Variants in MSR1 observed in about 807,000 individuals in gnomAD.
MSR1 encodes macrophage scavenger receptor 1.
A neutral mutation model predicts 47.2 loss-of-function variants in MSR1; 53 were observed. The observed-to-expected ratio is 1.12, with a 90% CI of 0.90 to 1.41. The LOEUF is 1.41. Among genes scored for constraint, MSR1 ranks in the 40% most tolerant of loss-of-function variants. The probability of loss-of-function intolerance (pLI) is 0.00; values close to 1 mark genes in which losing one functional copy is unlikely to be tolerated. For missense variants in MSR1, 786 were observed against 546.9 expected (o/e 1.44, Z -4.36); for synonymous variants, 239 against 185.6 (o/e 1.29, Z -2.34).
At chr8:16,185,491 T>G (rs1225202116) in intron 1 of MSR1, among the ~76,000 whole-genome samples, 1 of 152,164 alleles carries the variant, frequency 6.6e-6, no homozygotes, top group African/African-American at 2.4e-5. Flanking sequence ...ATCATCTACT[T>G]ACTGTATAGT....
At chr8:16,149,102 T>G (rs1294389849) in intron 7 of MSR1, among the ~76,000 whole-genome samples, 3 of 152,114 alleles carry the variant, frequency 2.0e-5, no homozygotes, top group African/African-American at 7.2e-5. Flanking sequence ...ACTGTAATGA[T>G]GGATACATGA....
intron 3 of MSR1, among the ~76,000 whole-genome samples, chr8:16,169,551 T>C (rs1801421861): frequency 6.6e-6 from 1 of 152,044 alleles, no homozygotes; most frequent in South Asian, 2.1e-4. Flanking sequence ...ATTTAGAAAA[T>C]ATACATAATA....
chr8:16,113,148 C>A (rs1799801061), intron 9 of MSR1, among the ~76,000 whole-genome samples: 1 of 151,676 alleles, frequency 6.6e-6, no homozygotes, highest in Admixed American at 6.6e-5. Flanking sequence ...CGGGGTTTCA[C>A]CATGTTGGCC....
chr8:16,185,512 TGATATAGTTAG>T (rs1446023904), intron 1 of MSR1, among the ~76,000 whole-genome samples: 2 of 152,144 alleles, frequency 1.3e-5, no homozygotes, highest in Non-Finnish European at 2.9e-5. Context: ...GGAGAATATG[TGATATAGTTAG>T]GAATATGCCG....
intron 9 of MSR1, among the ~76,000 whole-genome samples, chr8:16,114,211 T>C (rs1799825599): frequency 7.1e-6 from 1 of 141,356 alleles, no homozygotes; most frequent in Non-Finnish European, 1.6e-5. Context: ...ATTTTTTGAT[T>C]GCCTTCTGTT....
intron 8 of MSR1, chr8:16,120,885 C>A: frequency 2.3e-6 from 1 of 434,740 alleles, no homozygotes; most frequent in Non-Finnish European, 4.1e-6. Flanking sequence ...TATATTCCAA[C>A]GAGTTTGAAT....
chr8:16,177,411 G>A (rs1318346071), intron 2 of MSR1, among the ~76,000 whole-genome samples: 1 of 152,034 alleles, frequency 6.6e-6, no homozygotes, highest in Non-Finnish European at 1.5e-5. Context: ...CCAGTAGCCC[G>A]TAGAAGCTGG....
chr8:16,179,188 GTAATT>G (rs2117213932), intron 1 of MSR1, among the ~76,000 whole-genome samples: 1 of 152,302 alleles, frequency 6.6e-6, no homozygotes, highest in Admixed American at 6.5e-5. Context: ...GATTTAATCA[GTAATT>G]TAATAGAGTA....
intron 8 of MSR1, chr8:16,139,666 G>A (rs1309287092): frequency 1.0e-6 from 1 of 970,324 alleles, no homozygotes; most frequent in Non-Finnish European, 1.2e-6. Context: ...TGTTTGAAAT[G>A]ACCAGGTAAT....
chr8:16,139,802 T>A (rs1418092747), intron 8 of MSR1: 7 of 80,280 alleles, frequency 8.7e-5, no homozygotes, highest in East Asian at 2.0e-3. Context: ...TATATATATA[T>A]ATATATATAT....
At chr8:16,190,213 A>C (rs1219648508) in intron 1 of MSR1, among the ~76,000 whole-genome samples, 2 of 152,102 alleles carry the variant, frequency 1.3e-5, no homozygotes, top group Non-Finnish European at 2.9e-5. Flanking sequence ...TTCATAATTT[A>C]GCTTTCTTCT....
At chr8:16,170,477 T>C (rs1801452923) in intron 3 of MSR1, among the ~76,000 whole-genome samples, 1 of 152,222 alleles carries the variant, frequency 6.6e-6, no homozygotes, top group African/African-American at 2.4e-5. Context: ...TATTTATACC[T>C]TTTATCTACA....
chr8:16,162,940 G>A (rs1455103052), intron 5 of MSR1, among the ~76,000 whole-genome samples: 2 of 151,446 alleles, frequency 1.3e-5, no homozygotes, highest in Non-Finnish European at 2.9e-5. Context: ...CTAAGTTCTC[G>A]ATTAAAAAAA....
intron 9 of MSR1, among the ~76,000 whole-genome samples, chr8:16,119,870 CTT>C (rs35520763): frequency 0.068 from 6,468 of 95,716 alleles, 249 homozygotes; most frequent in East Asian, 0.15. Flanking sequence ...TCACGCCTGG[CTT>C]TTTTTTTTTT....
At chr8:16,178,946 A>G (rs1801742338) in intron 1 of MSR1, among the ~76,000 whole-genome samples, 1 of 152,202 alleles carries the variant, frequency 6.6e-6, no homozygotes. Context: ...CAAAAAAACC[A>G]TAATTAGTTA....
chr8:16,155,252 TG>T, intron 5 of MSR1, 108 bp from the exon 6 acceptor site: 1 of 773,154 alleles, frequency 1.3e-6, no homozygotes, highest in South Asian at 1.5e-5. Flanking sequence ...CTATTTGTTG[TG>T]CAATAATATA....
intron 4 of MSR1, among the ~76,000 whole-genome samples, chr8:16,168,060 A>G (rs1048253208): frequency 3.1e-4 from 47 of 151,188 alleles, no homozygotes; most frequent in African/African-American, 1.1e-3. Context: ...TTCTGAGTGA[A>G]ACTTACAAAT....
chr8:16,118,170 C>T (rs1340317766), intron 9 of MSR1, among the ~76,000 whole-genome samples: 1 of 152,168 alleles, frequency 6.6e-6, no homozygotes, highest in East Asian at 1.9e-4. Context: ...ATCTAAATAA[C>T]TGGCAAATTT....
intron 8 of MSR1, among the ~76,000 whole-genome samples, chr8:16,131,317 T>A: frequency 6.6e-6 from 1 of 152,210 alleles, no homozygotes; most frequent in Non-Finnish European, 1.5e-5. Flanking sequence ...GTCCTTTGCC[T>A]ATTTTTTGTC....
Sources: gnomAD v4.1 joint callset for allele counts (sites outside exome capture counted in the v4.1 genomes callset) on GRCh38, gnomAD v4.1.1 for gene constraint, MANE v1.5 for transcripts, NCBI Gene and HGNC (gene_info 2026-07-23, HGNC 2026-07-21) for gene names.